Variants in MAF observed in about 807,000 individuals in gnomAD.
The protein encoded by MAF is transcription factor Maf.
In MAF, 10 loss-of-function variants were observed where a neutral mutation model predicts 22.0. The observed-to-expected ratio is 0.45, with a 90% CI of 0.28 to 0.77. The LOEUF (loss-of-function observed/expected upper bound fraction) is 0.77, where lower values mean the gene tolerates loss of function less well. MAF is among the 30% of genes least tolerant of loss of function. MAF has a pLI of 0.12. For missense variants in MAF, 544 were observed against 548.4 expected (o/e 0.99, Z 0.08); for synonymous variants, 337 against 255.8 (o/e 1.32, Z -3.03).
chr16:79,234,336 A>C, the MAF span, among the ~76,000 whole-genome samples: 4 of 152,114 alleles, frequency 2.6e-5, no homozygotes, highest in Non-Finnish European at 4.4e-5. Flanking sequence ...ATTTATTAAA[A>C]AGCAATAGCT....
chr16:79,563,736 AACACACAC>A, the MAF span, among the ~76,000 whole-genome samples: 3 of 144,200 alleles, frequency 2.1e-5, no homozygotes, highest in Non-Finnish European at 4.5e-5. Flanking sequence ...TTAGCTAGCA[AACACACAC>A]ACACACACAC....
At chr16:79,373,078 G>C in the MAF span, among the ~76,000 whole-genome samples, 1 of 152,170 alleles carries the variant, frequency 6.6e-6, no homozygotes, top group Non-Finnish European at 1.5e-5. Context: ...GAAAGAATAG[G>C]AGTGGTTATA....
At chr16:79,409,864 G>A in the MAF span, among the ~76,000 whole-genome samples, 648 of 152,320 alleles carry the variant, frequency 4.3e-3, 8 homozygotes, top group African/African-American at 0.014. Flanking sequence ...GCCAAACGTG[G>A]TGACTGAAGC....
intron 1 of MAF, 86 bp from the exon 2 acceptor site, chr16:79,594,639 ATTTTT>A: frequency 7.7e-7 from 1 of 1,306,684 alleles, no homozygotes; most frequent in Admixed American, 2.3e-5. Flanking sequence ...TCCTCATATG[ATTTTT>A]TTTTTTTTAA....
At chr16:79,595,855 C>T (rs1479640147) in intron 1 of MAF, 36 of 1,058,404 alleles carry the variant, frequency 3.4e-5, no homozygotes, top group Non-Finnish European at 4.1e-5. Flanking sequence ...CAGATATGTA[C>T]TTGGAAATAT....
At chr16:79,493,134 T>TG in the MAF span, among the ~76,000 whole-genome samples, 1 of 143,108 alleles carries the variant, frequency 7.0e-6, no homozygotes, top group East Asian at 1.9e-4. Flanking sequence ...ATCTTTCTGT[T>TG]TTTTTTTTGT....
chr16:79,389,940 C>T, the MAF span, among the ~76,000 whole-genome samples: 1 of 125,972 alleles, frequency 7.9e-6, no homozygotes, highest in Non-Finnish European at 1.6e-5. Context: ...CGTACCACTG[C>T]ACCTCCAGCA....
At chr16:79,484,744 AGAGCCGGTG>A in the MAF span, among the ~76,000 whole-genome samples, 1 of 152,248 alleles carries the variant, frequency 6.6e-6, no homozygotes, top group African/African-American at 2.4e-5. Flanking sequence ...CTCCACAGCT[AGAGCCGGTG>A]GAGCAGCTGG....
At chr16:79,222,644 G>C in the MAF span, among the ~76,000 whole-genome samples, 1 of 152,074 alleles carries the variant, frequency 6.6e-6, no homozygotes, top group Non-Finnish European at 1.5e-5. Flanking sequence ...CTCACGTGCA[G>C]AGACACAAAT....
At chr16:79,572,746 C>A in the MAF span, among the ~76,000 whole-genome samples, 4 of 152,180 alleles carry the variant, frequency 2.6e-5, no homozygotes, top group African/African-American at 9.7e-5. Context: ...GTCTACCCAT[C>A]TTGGCTTGTG....
chr16:79,373,229 C>G, the MAF span, among the ~76,000 whole-genome samples: 3 of 152,022 alleles, frequency 2.0e-5, no homozygotes, highest in Non-Finnish European at 2.9e-5. Context: ...CATATTGAAG[C>G]CTAATCCCCA....
the MAF span, among the ~76,000 whole-genome samples, chr16:79,277,423 C>A: frequency 1.3e-5 from 2 of 152,184 alleles, no homozygotes; most frequent in Non-Finnish European, 2.9e-5. Flanking sequence ...TGGGTCAACC[C>A]ATATGGAATT....
chr16:79,425,675 T>G, the MAF span, among the ~76,000 whole-genome samples: 1 of 151,960 alleles, frequency 6.6e-6, no homozygotes, highest in South Asian at 2.1e-4. Context: ...TTTTTTTTTT[T>G]TTTGAGACGG....
At chr16:79,371,535 A>C in the MAF span, among the ~76,000 whole-genome samples, 70,683 of 151,932 alleles carry the variant, frequency 0.47, 16,701 homozygotes, top group Non-Finnish European at 0.51. Context: ...CCTCCTTCCA[A>C]ATCGCCTTCT....
the MAF span, among the ~76,000 whole-genome samples, chr16:79,509,392 G>A: frequency 1.3e-5 from 2 of 152,232 alleles, no homozygotes; most frequent in Non-Finnish European, 2.9e-5. Context: ...GTCCTGGGAG[G>A]AGAAGCCTTT....
the MAF span, among the ~76,000 whole-genome samples, chr16:79,578,428 C>T: frequency 1.3e-5 from 2 of 152,076 alleles, no homozygotes; most frequent in African/African-American, 2.4e-5. Context: ...TGATCAATTT[C>T]TTCTCTACTT....
At chr16:79,449,933 T>G in the MAF span, among the ~76,000 whole-genome samples, 1 of 152,196 alleles carries the variant, frequency 6.6e-6, no homozygotes, top group Non-Finnish European at 1.5e-5. Flanking sequence ...TTTATGACAT[T>G]TTGATGCTTT....
At chr16:79,509,490 T>C in the MAF span, among the ~76,000 whole-genome samples, 2 of 152,198 alleles carry the variant, frequency 1.3e-5, no homozygotes, top group Non-Finnish European at 2.9e-5. Context: ...AGCGGGGCCC[T>C]TGCTGGATGG....
At chr16:79,343,278 C>G in the MAF span, among the ~76,000 whole-genome samples, 2 of 151,688 alleles carry the variant, frequency 1.3e-5, no homozygotes, top group Non-Finnish European at 2.9e-5. Flanking sequence ...TCCAGTTCTT[C>G]TCTTCCTGGT....
Sources: gnomAD v4.1 joint callset for allele counts (sites outside exome capture counted in the v4.1 genomes callset) on GRCh38, gnomAD v4.1.1 for gene constraint, MANE v1.5 for transcripts, NCBI Gene and HGNC (gene_info 2026-07-23, HGNC 2026-07-21) for gene names.